The following HHAT variants were observed in gnomAD, a reference collection of about 807,000 sequenced individuals.
HHAT encodes the protein protein-cysteine N-palmitoyltransferase HHAT.
A neutral mutation model predicts 70.8 loss-of-function variants in HHAT; 47 were observed. That is an observed-to-expected ratio of 0.66 (90% confidence interval 0.53 to 0.85). HHAT has a LOEUF of 0.85. Among genes scored for constraint, HHAT ranks in the 40% least tolerant of loss-of-function variants. HHAT has a pLI of 0.00. For synonymous variants in HHAT, 228 were observed against 247.6 expected, an observed-to-expected ratio of 0.92 and a Z score of 0.74; for missense variants, 609 against 604.8, an observed-to-expected ratio of 1.01 and a Z score of -0.07.
Position 210,400,581 on chromosome 1 carries a change from G to C in HHAT, c.387G>C (p.Gln129His), listed in dbSNP as rs545915563. The change falls in exon 5 of 12, where the codon CAG becomes CAC. Residue 129 changes from glutamine (Q) to histidine (H), a missense_variant. Coordinates refer to ENST00000261458, the MANE Select transcript of HHAT (RefSeq NM_018194.6). ...LHTTISFCVA[Q>H]FRSQLLTWLC... Reference sequence around the variant, plus strand: ...CCACCATCTCTTTCTGCGTGGCCCAGTTCCGGTCTCAGCTCCTGACGTGGC... The same window carrying C: ...CCACCATCTCTTTCTGCGTGGCCCACTTCCGGTCTCAGCTCCTGACGTGGC... The C allele has an allele frequency of 6.2e-7, 1 of 1,614,132 alleles. No homozygotes were observed. Among genetic ancestry groups the C allele is most frequent in the East Asian group, 2.2e-5 (1 of 44,870 alleles).
intron 8 of HHAT, among the ~76,000 whole-genome samples, chr1:210,467,419 T>C (rs1219969402): frequency 6.6e-6 from 1 of 152,250 alleles, no homozygotes; most frequent in Non-Finnish European, 1.5e-5. Context: ...GGTCCTGGTC[T>C]CATTCTCTAA....
intron 10 of HHAT, among the ~76,000 whole-genome samples, chr1:210,611,483 T>A (rs1478852423): frequency 1.3e-5 from 2 of 152,166 alleles, no homozygotes; most frequent in Admixed American, 1.3e-4. Flanking sequence ...TCTTCCTATT[T>A]GAATGCGCTT....
At chr1:210,387,721 A>G in intron 4 of HHAT, 140 bp downstream of exon 4, 1 of 632,286 alleles carries the variant, frequency 1.6e-6, no homozygotes, top group Non-Finnish European at 2.8e-6. Flanking sequence ...AACAATCAAT[A>G]TAACATTTAA....
At chr1:210,467,994 T>C (rs1400424488) in intron 8 of HHAT, among the ~76,000 whole-genome samples, 1 of 152,194 alleles carries the variant, frequency 6.6e-6, no homozygotes, top group Non-Finnish European at 1.5e-5. Flanking sequence ...TGTGAAAAAT[T>C]GCAATTCACC....
At chr1:210,568,884 T>C (rs1034088476) in intron 9 of HHAT, among the ~76,000 whole-genome samples, 1 of 152,174 alleles carries the variant, frequency 6.6e-6, no homozygotes, top group South Asian at 2.1e-4. Context: ...GTAAAACAAC[T>C]TGGGGCCTGT....
chr1:210,614,972 C>T (rs1201301853), intron 10 of HHAT, among the ~76,000 whole-genome samples: 2 of 152,264 alleles, frequency 1.3e-5, no homozygotes, highest in South Asian at 4.1e-4. Context: ...TTCTAGATCC[C>T]TGAGGAATCA....
At chr1:210,333,057 A>C (rs74156131) in intron 1 of HHAT, among the ~76,000 whole-genome samples, 2 of 152,198 alleles carry the variant, frequency 1.3e-5, no homozygotes, top group African/African-American at 4.8e-5. Flanking sequence ...GTGGACTAAA[A>C]TAAGTGTCGG....
At position 210,661,189 on chromosome 1, in the gene HHAT, A is replaced by G. The variant is rs1426026460; in HGVS notation, c.1391-13099A>G. 2.4e-4 allele frequency among the ~76,000 whole-genome samples: 36 copies of G among 150,654 alleles called. No homozygotes were observed. In the Admixed American group the frequency reaches 2.4e-3, roughly 10 times the overall value. On this transcript the variant is annotated intron_variant, in intron 11 of 11. Transcript: ENST00000261458. Reference sequence around the variant, plus strand: ...CCCATCTGACAAAGGGCTAATATCCAGAATCTACAATGAACTCAAACAAAT... The same window carrying G: ...CCCATCTGACAAAGGGCTAATATCCGGAATCTACAATGAACTCAAACAAAT...
At chr1:210,380,950 C>A (rs1268703848) in intron 3 of HHAT, among the ~76,000 whole-genome samples, 1 of 151,820 alleles carries the variant, frequency 6.6e-6, no homozygotes, top group Non-Finnish European at 1.5e-5. Context: ...CTCTGGAATG[C>A]TAAGGGGAGC....
chr1:210,374,049 A>G (rs1169878579), intron 3 of HHAT: 3 of 152,014 alleles, frequency 2.0e-5, no homozygotes, highest in African/African-American at 7.3e-5. Context: ...CTGTCTTTGC[A>G]AGTTCTGTTA....
chr1:210,398,895 C>T (rs560572720), intron 4 of HHAT, among the ~76,000 whole-genome samples: 2 of 152,302 alleles, frequency 1.3e-5, no homozygotes, highest in East Asian at 3.9e-4. Context: ...AAATGAACTT[C>T]ACATTTCTCT....
intron 10 of HHAT, among the ~76,000 whole-genome samples, chr1:210,594,494 T>G (rs1662488232): frequency 6.6e-6 from 1 of 152,190 alleles, no homozygotes; most frequent in African/African-American, 2.4e-5. Context: ...TGTTTTTGTT[T>G]ATGTCTCATT....
chr1:210,539,792 A>C (rs1368058558), intron 9 of HHAT, among the ~76,000 whole-genome samples: 6 of 152,060 alleles, frequency 3.9e-5, no homozygotes, highest in African/African-American at 1.4e-4. Context: ...TTTTGTGCTC[A>C]CGAAGCCCTG....
chr1:210,646,633 T>C (rs1674129969), intron 11 of HHAT, among the ~76,000 whole-genome samples: 1 of 152,198 alleles, frequency 6.6e-6, no homozygotes, highest in Admixed American at 6.5e-5. Flanking sequence ...ATAACAGAAA[T>C]GGAAGAAAAT....
intron 11 of HHAT, among the ~76,000 whole-genome samples, chr1:210,649,336 C>T (rs575830849): frequency 2.6e-5 from 4 of 152,324 alleles, no homozygotes; most frequent in Admixed American, 2.0e-4. Context: ...ATAATTGCCA[C>T]GGGAAATTGG....
chr1:210,651,311 C>G (rs758647929), intron 11 of HHAT, among the ~76,000 whole-genome samples: 1 of 152,150 alleles, frequency 6.6e-6, no homozygotes, highest in Admixed American at 6.5e-5. Flanking sequence ...AGAGACTATA[C>G]TAGGTATTTA....
At position 210,578,970 on chromosome 1, in the gene HHAT, C is replaced by T. The variant is rs1021860549; in HGVS notation, c.1044-8928C>T. ...GGTACATATCCACCATGGAATACTGCGCAGCCATGGAAAACAATGAGATCA... is the reference window on the plus strand; with the variant it reads ...GGTACATATCCACCATGGAATACTGTGCAGCCATGGAAAACAATGAGATCA... On this transcript the variant is annotated intron_variant, in intron 9 of 11. Transcript: ENST00000261458. Among the ~76,000 whole-genome samples, 5 of 152,146 alleles carry T rather than the reference C, an allele frequency of 3.3e-5. No homozygotes were observed. The East Asian group carries it at 5.8e-4, about 18-fold the overall frequency.
intron 7 of HHAT, among the ~76,000 whole-genome samples, chr1:210,444,570 C>G (rs2093595139): frequency 6.6e-6 from 1 of 151,018 alleles, no homozygotes; most frequent in Non-Finnish European, 1.5e-5. Context: ...CTGGTTTAGT[C>G]TTGGGAGAGT....
At chr1:210,415,095 T>G (rs549510421) in intron 6 of HHAT, among the ~76,000 whole-genome samples, 285 of 152,356 alleles carry the variant, frequency 1.9e-3, no homozygotes, top group South Asian at 0.012. Context: ...ACATTTGGTG[T>G]ATATCTTTCC....
Sources: gnomAD v4.1 joint callset for allele counts (sites outside exome capture counted in the v4.1 genomes callset) on GRCh38, gnomAD v4.1.1 for gene constraint, MANE v1.5 for transcripts, NCBI Gene and HGNC (gene_info 2026-07-23, HGNC 2026-07-21) for gene names.